NCOR2: variants seen among roughly 807,000 people sequenced by gnomAD.
NCOR2 encodes nuclear receptor corepressor 2.
Under a neutral mutation model 262.9 loss-of-function variants are expected in NCOR2, and 81 were observed. The ratio of observed to expected loss-of-function variants is 0.31; its 90% confidence interval spans 0.26 to 0.37. The LOEUF (loss-of-function observed/expected upper bound fraction) is 0.37, where lower values mean the gene tolerates loss of function less well. Among genes scored for constraint, NCOR2 ranks in the 10% least tolerant of loss-of-function variants. NCOR2 has a pLI of 1.00. For synonymous variants in NCOR2, 1,659 were observed against 1,559.3 expected (o/e 1.06, Z -1.51); for missense variants, 3,385 against 3,621.4 (o/e 0.93, Z 1.68).
chr12:124,510,268 T>C (rs2049319166), intron 1 of NCOR2, among the ~76,000 whole-genome samples: 1 of 152,196 alleles, frequency 6.6e-6, no homozygotes, highest in African/African-American at 2.4e-5. Context: ...ATGTGCTTGT[T>C]ACAGCTCCCG....
chr12:124,564,018 A>G (rs982416796), intron 1 of NCOR2, among the ~76,000 whole-genome samples: 4 of 152,248 alleles, frequency 2.6e-5, no homozygotes, highest in African/African-American at 9.6e-5. Context: ...TCTATAAAAT[A>G]AGATAATAAA....
upstream of NCOR2, chr12:124,538,569 C>G (rs1021629086): frequency 6.6e-6 from 1 of 152,502 alleles, no homozygotes. Context: ...AGGAGGGTTA[C>G]GCAAGCTGCA....
rs568453384 is a variant in NCOR2, at chr12:124,547,761, A to G, written c.-164-12150T>C. Among the ~76,000 whole-genome samples, 34 of 152,208 alleles carry G rather than the reference A, an allele frequency of 2.2e-4. 1 individual carries two copies. The South Asian group carries it at 7.0e-3, about 32-fold the overall frequency. On this transcript the variant is annotated intron_variant, in intron 1 of 32. Transcript: ENST00000458234. ...GCATTTCATGAAAGTGGAATCGTAC[A>G]CTATGTGGCCTTGTGTGTCTGGCTT...
chr12:124,385,995 G>C (rs1347428295), intron 16 of NCOR2, 108 bp from the exon 19 acceptor site: 10 of 1,371,260 alleles, frequency 7.3e-6, no homozygotes, highest in Non-Finnish European at 9.8e-6. Flanking sequence ...ACCCAGCCTG[G>C]GGCTCCCTGC....
chr12:124,487,357 C>T (rs773433764), intron 1 of NCOR2, among the ~76,000 whole-genome samples: 2 of 152,244 alleles, frequency 1.3e-5, no homozygotes, highest in Non-Finnish European at 2.9e-5. Context: ...AGGAACTCCC[C>T]GCTCGTATCA....
intron 4 of NCOR2, among the ~76,000 whole-genome samples, chr12:124,469,277 C>T (rs1593694585): frequency 1.3e-5 from 2 of 152,232 alleles, no homozygotes; most frequent in East Asian, 3.9e-4. Context: ...CAGAAAGGTG[C>T]CCAAGAAGAA....
At position 124,531,931 on chromosome 12, in the gene NCOR2, C is replaced by T. The variant is rs866831102; in HGVS notation, c.-118+3634G>A. Among the ~76,000 whole-genome samples, 5 of 151,840 alleles carry T rather than the reference C, an allele frequency of 3.3e-5. No individual in the cohort carries two copies. Among genetic ancestry groups the T allele is most frequent in the South Asian group, 4.2e-4 (2 of 4,792 alleles). ...AATCCACTCACAGAGTTTCGAGTCACGGGCAACCCACTTTTGGGGCCAGGG... is the reference window on the plus strand; with the variant it reads ...AATCCACTCACAGAGTTTCGAGTCATGGGCAACCCACTTTTGGGGCCAGGG... On this transcript the variant is annotated intron_variant, in intron 1 of 46. Transcript: ENST00000404621. This position sits in a 1 kb window ranked among gnomAD's most constrained non-coding sequence, Gnocchi z 4.5.
chr12:124,421,038 C>A (rs999764325), intron 12 of NCOR2, among the ~76,000 whole-genome samples: 1 of 152,364 alleles, frequency 6.6e-6, no homozygotes, highest in East Asian at 1.9e-4. Context: ...GATGTGGGTG[C>A]CCGACTTCTC....
At chr12:124,453,323 T>C (rs1409123397) in intron 6 of NCOR2, among the ~76,000 whole-genome samples, 1 of 152,038 alleles carries the variant, frequency 6.6e-6, no homozygotes, top group East Asian at 1.9e-4. Context: ...AAATGACCCC[T>C]GGGGGGACTC....
chr12:124,403,526 C>T (rs956615324), intron 13 of NCOR2, among the ~76,000 whole-genome samples: 1 of 152,200 alleles, frequency 6.6e-6, no homozygotes, highest in African/African-American at 2.4e-5. Context: ...TTTTCTTGGA[C>T]ACCCCAAGGT....
At chr12:124,553,245 C>A (rs837488) in intron 1 of NCOR2, among the ~76,000 whole-genome samples, 1 of 152,094 alleles carries the variant, frequency 6.6e-6, no homozygotes, top group Non-Finnish European at 1.5e-5. Flanking sequence ...TGATTACCTC[C>A]AGCCCGGGCA....
chr12:124,510,933 C>A (rs917241602), intron 1 of NCOR2, among the ~76,000 whole-genome samples: 11 of 152,226 alleles, frequency 7.2e-5, no homozygotes, highest in Non-Finnish European at 1.3e-4. Flanking sequence ...TGGACTCCAA[C>A]CTGTGCTGCT....
chr12:124,462,309 C>G (rs1022267371), intron 5 of NCOR2, among the ~76,000 whole-genome samples: 7 of 152,210 alleles, frequency 4.6e-5, no homozygotes, highest in African/African-American at 1.7e-4. Flanking sequence ...CACTGGCTTC[C>G]TCATCTGCAG....
intron 6 of NCOR2, among the ~76,000 whole-genome samples, chr12:124,452,389 AG>A (rs2045602066): frequency 6.6e-6 from 1 of 152,236 alleles, no homozygotes; most frequent in Admixed American, 6.5e-5. Flanking sequence ...TTTTGGAAAC[AG>A]ATAGGCCCCA....
intron 10 of NCOR2, 29 bp downstream of exon 12, chr12:124,429,584 C>T (rs1465007589): frequency 6.4e-7 from 1 of 1,566,570 alleles, no homozygotes; most frequent in Non-Finnish European, 8.7e-7. Flanking sequence ...GGAAAAGGAG[C>T]TGAGGCCAGA....
intron 5 of NCOR2, among the ~76,000 whole-genome samples, chr12:124,460,758 G>A (rs901970078): frequency 3.3e-5 from 5 of 152,194 alleles, no homozygotes; most frequent in African/African-American, 1.2e-4. Context: ...CACAGTTCTA[G>A]GCAAAATCCC....
chr12:124,387,294 A>T (rs2040883424), intron 16 of NCOR2, among the ~76,000 whole-genome samples: 1 of 148,876 alleles, frequency 6.7e-6, no homozygotes, highest in South Asian at 2.2e-4. Flanking sequence ...CTCTAATGCA[A>T]ATAAAACAAC....
At chr12:124,431,122 C>G (rs1210011900) in intron 8 of NCOR2, among the ~76,000 whole-genome samples, 1 of 146,700 alleles carries the variant, frequency 6.8e-6, no homozygotes, top group Non-Finnish European at 1.5e-5. Context: ...TACACAGGCA[C>G]ACACAAGTCA....
At chr12:124,453,273 G>C (rs1261092720) in intron 6 of NCOR2, among the ~76,000 whole-genome samples, 4 of 152,320 alleles carry the variant, frequency 2.6e-5, no homozygotes, top group Non-Finnish European at 5.9e-5. Flanking sequence ...GGGCATGGCT[G>C]GCCCCTGTCC....
Sources: allele counts gnomAD v4.1 joint callset (sites outside exome capture counted in the v4.1 genomes callset), GRCh38; gene constraint gnomAD v4.1.1; non-coding constraint Gnocchi (gnomAD v3.1); transcripts MANE v1.5; gene names NCBI Gene and HGNC (gene_info 2026-07-23, HGNC 2026-07-21).